Variants in LRRIQ3 observed in about 807,000 individuals in gnomAD.
LRRIQ3 encodes leucine rich repeats and IQ motif containing 3, also known as leucine-rich repeat and IQ domain-containing protein 3.
In LRRIQ3, 75 loss-of-function variants were observed where a neutral mutation model predicts 59.3. That is an observed-to-expected ratio of 1.26 (90% CI 1.05 to 1.53). The LOEUF (loss-of-function observed/expected upper bound fraction) is 1.53. Among genes scored for constraint, LRRIQ3 ranks in the 40% most tolerant of loss-of-function variants. The pLI, the probability that LRRIQ3 is intolerant of heterozygous loss-of-function variation, is 0.00. For synonymous variants in LRRIQ3, 250 were observed against 231.3 expected (o/e 1.08, Z -0.73); for missense variants, 831 against 710.0 (o/e 1.17, Z -1.94).
chr1:74,083,309 A>G (rs986140072), intron 5 of LRRIQ3: 1 of 151,760 alleles, frequency 6.6e-6, no homozygotes, highest in African/African-American at 2.4e-5. Flanking sequence ...TATTTCAGCC[A>G]CTGCCCAAAT....
At chr1:74,102,220 A>T (rs1646546540) in intron 5 of LRRIQ3, among the ~76,000 whole-genome samples, 1 of 152,048 alleles carries the variant, frequency 6.6e-6, no homozygotes, top group Non-Finnish European at 1.5e-5. Flanking sequence ...TCTCCAAATT[A>T]TTCGATACTG....
At chr1:74,155,368 G>T (rs1648255361) in intron 4 of LRRIQ3, among the ~76,000 whole-genome samples, 1 of 152,116 alleles carries the variant, frequency 6.6e-6, no homozygotes, top group Non-Finnish European at 1.5e-5. Context: ...CTAAATAAAG[G>T]ACAATATAGA....
rs918425888 is a variant in LRRIQ3 at position 74,026,495 on chromosome 1, A to C, written c.*318T>G. 17 of 177,144 alleles carry C rather than the reference A, an allele frequency of 9.6e-5. No homozygotes were observed. The highest frequency in any genetic ancestry group is 2.6e-3 in the Middle Eastern group (1 of 392). 11.0% of individuals were successfully genotyped at this position (177,144 alleles called of 1,614,324 possible). A position where few individuals can be genotyped will look rare whatever the true frequency, so the allele number is the denominator to read the frequency against. ...CCAGAAAAACCTAAATTAGCTTATGAATTGCTATATTTAGAAAGAATATGA... is the reference window on the plus strand; with the variant it reads ...CCAGAAAAACCTAAATTAGCTTATGCATTGCTATATTTAGAAAGAATATGA... On this transcript the variant is annotated 3_prime_UTR_variant, in exon 8 of 8. Transcript: ENST00000354431.
At chr1:74,122,146 G>A (rs1646868267) in intron 4 of LRRIQ3, among the ~76,000 whole-genome samples, 1 of 152,122 alleles carries the variant, frequency 6.6e-6, no homozygotes, top group African/African-American at 2.4e-5. Context: ...CTAGATCCCT[G>A]AGGAATCGCC....
intron 5 of LRRIQ3, among the ~76,000 whole-genome samples, chr1:74,089,756 G>A (rs767306039): frequency 2.6e-5 from 4 of 151,918 alleles, no homozygotes; most frequent in Non-Finnish European, 4.4e-5. Flanking sequence ...AGTGATGATC[G>A]TTTCACAAAT....
chr1:74,191,163 T>C (rs1650743193), intron 1 of LRRIQ3, among the ~76,000 whole-genome samples: 1 of 152,156 alleles, frequency 6.6e-6, no homozygotes. Context: ...AGATAAAATA[T>C]ATGCTTCAAA....
chr1:74,052,647 G>C (rs898062819), intron 6 of LRRIQ3, among the ~76,000 whole-genome samples: 4 of 151,986 alleles, frequency 2.6e-5, no homozygotes, highest in African/African-American at 7.2e-5. Context: ...TTATTCATTG[G>C]AGAAGATTAT....
intron 6 of LRRIQ3, among the ~76,000 whole-genome samples, chr1:74,058,388 T>C (rs962099188): frequency 3.9e-5 from 6 of 152,016 alleles, no homozygotes; most frequent in Admixed American, 3.3e-4. Context: ...TATGCAGAAA[T>C]AAAATGGAAT....
At chr1:74,156,900 A>C (rs979831068) in intron 3 of LRRIQ3, among the ~76,000 whole-genome samples, 1 of 152,184 alleles carries the variant, frequency 6.6e-6, no homozygotes, top group African/African-American at 2.4e-5. Context: ...ATAATGCATT[A>C]AAAATACTGA....
chr1:74,089,238 A>C (rs555373509), intron 5 of LRRIQ3, among the ~76,000 whole-genome samples: 89 of 152,240 alleles, frequency 5.8e-4, no homozygotes, highest in African/African-American at 2.1e-3. Context: ...ACTGCTATGG[A>C]AAACTGTTCG....
intron 6 of LRRIQ3, among the ~76,000 whole-genome samples, chr1:74,066,586 A>AT (rs1654873566): frequency 6.6e-6 from 1 of 152,136 alleles, no homozygotes; most frequent in African/African-American, 2.4e-5. Context: ...TTACTGGAAA[A>AT]TTGAGTATAC....
chr1:74,060,257 C>T (rs1294915345), intron 6 of LRRIQ3, among the ~76,000 whole-genome samples: 1 of 134,552 alleles, frequency 7.4e-6, no homozygotes, highest in East Asian at 2.1e-4. Flanking sequence ...TCTTCTTCTT[C>T]CTCTTCCTCT....
chr1:74,125,949 T>A (rs1646929439), intron 4 of LRRIQ3, among the ~76,000 whole-genome samples: 1 of 151,850 alleles, frequency 6.6e-6, no homozygotes, highest in Non-Finnish European at 1.5e-5. Context: ...CTTTAATTGT[T>A]TAGTAAAACT....
intron 4 of LRRIQ3, among the ~76,000 whole-genome samples, chr1:74,115,327 T>C (rs184659819): frequency 6.6e-6 from 1 of 152,278 alleles, no homozygotes; most frequent in African/African-American, 2.4e-5. Context: ...CATTTAAATT[T>C]AACTTTTAAA....
chr1:74,131,459 C>G (rs1468062758), intron 4 of LRRIQ3, among the ~76,000 whole-genome samples: 2 of 152,088 alleles, frequency 1.3e-5, no homozygotes, highest in Non-Finnish European at 2.9e-5. Flanking sequence ...TGATGAACAT[C>G]AATGCAAAAT....
At chr1:74,170,806 C>A (rs1411278267) in intron 3 of LRRIQ3, among the ~76,000 whole-genome samples, 1 of 151,994 alleles carries the variant, frequency 6.6e-6, no homozygotes, top group African/African-American at 2.4e-5. Flanking sequence ...GTCCATGAAC[C>A]CAGGATACCT....
rs184587192 is a variant in LRRIQ3 at position 74,041,620 on chromosome 1, T to C, written c.1311A>G (p.Lys437=). ...CCATGGCTACAACTCTTACTTTTTC[T>C]TTATGGTATTCCTGCTTCTTTTGTT... ...YTEQKKQEYH[K]EKVRVVAMAQ... is the part of the protein sequence containing the mutation. Residue 437 remains lysine (K), a synonymous_variant, in exon 7 of 8, where the codon AAA becomes AAG. Coordinates refer to ENST00000354431, the MANE Select transcript of LRRIQ3 (RefSeq NM_001105659.2). The C allele has an allele frequency of 6.5e-4, 1,045 of 1,613,840 alleles. No individual in the cohort carries two copies. The highest frequency in any genetic ancestry group is 1.7e-3 in the Middle Eastern group (10 of 6,058).
chr1:74,105,668 A>G (rs1213575714), intron 5 of LRRIQ3, among the ~76,000 whole-genome samples: 1 of 152,038 alleles, frequency 6.6e-6, no homozygotes, highest in African/African-American at 2.4e-5. Flanking sequence ...AACCTTTAGA[A>G]TAATACATCT....
At chr1:74,128,835 C>T (rs910201627) in intron 4 of LRRIQ3, among the ~76,000 whole-genome samples, 1 of 152,040 alleles carries the variant, frequency 6.6e-6, no homozygotes, top group East Asian at 1.9e-4. Flanking sequence ...AACCCAAGCC[C>T]AGTAATGCTG....
Sources: gnomAD v4.1 joint callset for allele counts (sites outside exome capture counted in the v4.1 genomes callset) on GRCh38, gnomAD v4.1.1 for gene constraint, MANE v1.5 for transcripts, NCBI Gene and HGNC (gene_info 2026-07-23, HGNC 2026-07-21) for gene names.